GALNTL5: variants seen among roughly 807,000 people sequenced by gnomAD.
GALNTL5 encodes inactive polypeptide N-acetylgalactosaminyltransferase-like protein 5.
A neutral mutation model predicts 51.0 loss-of-function variants in GALNTL5; 44 were observed. The ratio of observed to expected loss-of-function variants is 0.86; its 90% CI spans 0.68 to 1.11. The LOEUF (loss-of-function observed/expected upper bound fraction) is 1.11, where lower values mean the gene tolerates loss of function less well. GALNTL5 is among the 50% of genes least tolerant of loss of function. The probability of loss-of-function intolerance (pLI) is 0.00; values close to 1 mark genes in which losing one functional copy is unlikely to be tolerated. For missense variants in GALNTL5, 528 were observed against 531.8 expected (o/e 0.99, Z 0.07); for synonymous variants, 192 against 182.8 (o/e 1.05, Z -0.41).
chr7:152,004,346 ATATAT>A (rs1430505210), intron 6 of GALNTL5, among the ~76,000 whole-genome samples: 2 of 149,792 alleles, frequency 1.3e-5, no homozygotes, highest in African/African-American at 4.9e-5. Context: ...TACATATTAC[ATATAT>A]TATAATTGTA....
At chr7:151,981,012 T>A (rs377483132) in intron 3 of GALNTL5, among the ~76,000 whole-genome samples, 1 of 152,094 alleles carries the variant, frequency 6.6e-6, no homozygotes, top group African/African-American at 2.4e-5. Context: ...CCCAAAGTGC[T>A]GGGATTACAG....
At chr7:151,983,824 G>A (rs2081327527) in intron 4 of GALNTL5, among the ~76,000 whole-genome samples, 1 of 152,064 alleles carries the variant, frequency 6.6e-6, no homozygotes, top group African/African-American at 2.4e-5. Flanking sequence ...GGTAAGAGAA[G>A]CCATAGAGAG....
chr7:151,983,788 C>T (rs1214517467), intron 4 of GALNTL5, among the ~76,000 whole-genome samples: 2 of 152,150 alleles, frequency 1.3e-5, no homozygotes, highest in Non-Finnish European at 2.9e-5. Context: ...TTTTTGGTAG[C>T]TTAAGCAGCA....
chr7:151,995,822 A>G (rs139619900), intron 5 of GALNTL5, among the ~76,000 whole-genome samples: 107 of 152,238 alleles, frequency 7.0e-4, no homozygotes, highest in Non-Finnish European at 6.0e-4. Flanking sequence ...AATACAAAAT[A>G]TTAATGGTGG....
rs1427303129 is a variant in GALNTL5 at position 152,019,840 on chromosome 7, G to A, written c.*39G>A. The A allele has an allele frequency of 1.9e-6, 3 of 1,543,974 alleles. No homozygotes were observed. The highest frequency in any genetic ancestry group is 2.7e-6 in the Non-Finnish European group (3 of 1,128,864). On this transcript the variant is annotated 3_prime_UTR_variant, in exon 9 of 9. Transcript: ENST00000392800. ...CACTTTCATTAATAAAGGGTTAAAAGTCTCCTAGTCATTCAACATAGTGTC... is the reference window on the plus strand; with the variant it reads ...CACTTTCATTAATAAAGGGTTAAAAATCTCCTAGTCATTCAACATAGTGTC...
intron 2 of GALNTL5, among the ~76,000 whole-genome samples, chr7:151,969,260 G>T (rs749555470): frequency 6.6e-6 from 1 of 152,052 alleles, no homozygotes; most frequent in African/African-American, 2.4e-5. Context: ...AGTTCACAAA[G>T]ATTTCATTCT....
intron 1 of GALNTL5, among the ~76,000 whole-genome samples, chr7:151,965,637 G>T (rs544543409): frequency 6.6e-6 from 1 of 152,274 alleles, no homozygotes; most frequent in African/African-American, 2.4e-5. Flanking sequence ...CCAACACTTT[G>T]TGAGGCTAAG....
chr7:152,009,884 T>C (rs2081706666), intron 7 of GALNTL5, among the ~76,000 whole-genome samples: 2 of 152,180 alleles, frequency 1.3e-5, no homozygotes, highest in South Asian at 4.1e-4. Flanking sequence ...ATCACGATAA[T>C]ATCCAACTCT....
At chr7:151,980,803 T>C (rs1354758388) in intron 3 of GALNTL5, among the ~76,000 whole-genome samples, 2 of 126,018 alleles carry the variant, frequency 1.6e-5, no homozygotes, top group African/African-American at 6.7e-5. Flanking sequence ...TGGAGTGCAG[T>C]GGCGGGATCT....
intron 7 of GALNTL5, among the ~76,000 whole-genome samples, chr7:152,011,544 A>G (rs572588881): frequency 6.6e-6 from 1 of 152,372 alleles, no homozygotes; most frequent in Non-Finnish European, 1.5e-5. Context: ...TTGAAAGATT[A>G]TCCCTAGAGA....
chr7:151,981,618 CT>C (rs2081291422), intron 3 of GALNTL5, among the ~76,000 whole-genome samples: 1 of 140,340 alleles, frequency 7.1e-6, no homozygotes, highest in African/African-American at 2.7e-5. Context: ...TCCTTCCTTC[CT>C]TCCTTCCTTC....
chr7:151,957,587 T>A (rs2080941962), intron 1 of GALNTL5, among the ~76,000 whole-genome samples: 1 of 150,714 alleles, frequency 6.6e-6, no homozygotes, highest in African/African-American at 2.4e-5. Context: ...AGAAAGAAAC[T>A]CAATGACTGT....
chr7:151,995,721 CAAAT>C (rs1320269565), intron 5 of GALNTL5, among the ~76,000 whole-genome samples: 2 of 151,282 alleles, frequency 1.3e-5, no homozygotes, highest in African/African-American at 4.9e-5. Context: ...GCAATTAGGA[CAAAT>C]AAATAATTAA....
chr7:151,980,980 C>T (rs1050537101), intron 3 of GALNTL5, among the ~76,000 whole-genome samples: 3 of 151,770 alleles, frequency 2.0e-5, no homozygotes, highest in South Asian at 2.1e-4. Context: ...CTCCTGACCT[C>T]GTGATCCGCC....
chr7:151,986,350 C>T (rs1460477764), intron 4 of GALNTL5, among the ~76,000 whole-genome samples: 3 of 152,144 alleles, frequency 2.0e-5, no homozygotes, highest in East Asian at 1.9e-4. Flanking sequence ...ATAATATTTA[C>T]AGGGCGAGGC....
At chr7:152,009,062 C>A (rs949980190) in intron 7 of GALNTL5, among the ~76,000 whole-genome samples, 1 of 152,142 alleles carries the variant, frequency 6.6e-6, no homozygotes, top group Non-Finnish European at 1.5e-5. Flanking sequence ...TTCAATGGCG[C>A]CTTTCCTGAT....
chr7:152,009,793 G>A (rs1035940719), intron 7 of GALNTL5, among the ~76,000 whole-genome samples: 22 of 152,166 alleles, frequency 1.4e-4, no homozygotes, highest in African/African-American at 5.1e-4. Flanking sequence ...TACTCTGATC[G>A]CCGAGGGTCT....
intron 6 of GALNTL5, among the ~76,000 whole-genome samples, chr7:152,003,955 A>G (rs936087395): frequency 2.6e-5 from 4 of 152,154 alleles, no homozygotes; most frequent in African/African-American, 9.7e-5. Flanking sequence ...GTGTATATAC[A>G]TTGGATCATT....
chr7:151,972,065 A>G (rs1468361128), intron 3 of GALNTL5, among the ~76,000 whole-genome samples: 1 of 152,252 alleles, frequency 6.6e-6, no homozygotes, highest in Admixed American at 6.5e-5. Flanking sequence ...TGTAGAAGCA[A>G]CTTGGGAACT....
Sources: allele counts gnomAD v4.1 joint callset (sites outside exome capture counted in the v4.1 genomes callset), GRCh38; gene constraint gnomAD v4.1.1; transcripts MANE v1.5; gene names NCBI Gene and HGNC (gene_info 2026-07-23, HGNC 2026-07-21).